The following NEXMIF variants were observed in gnomAD, a reference collection of about 807,000 sequenced individuals.
NEXMIF encodes the protein neurite extension and migration factor.
In NEXMIF, 8 loss-of-function variants were observed where a neutral mutation model predicts 62.1. The observed-to-expected ratio is 0.13, with a 90% CI of 0.08 to 0.23. The LOEUF (loss-of-function observed/expected upper bound fraction) is 0.23, where lower values mean the gene tolerates loss of function less well. Ranked by LOEUF, NEXMIF falls within the 10% of genes least tolerant of loss-of-function variation. The probability of loss-of-function intolerance (pLI) is 1.00; values close to 1 mark genes in which losing one functional copy is unlikely to be tolerated. For missense variants in NEXMIF, 976 were observed against 1,113.3 expected (o/e 0.88, Z 1.75); for synonymous variants, 404 against 416.6 (o/e 0.97, Z 0.37).
At chrX:74,794,975 C>T (rs1324312720) in intron 1 of NEXMIF, among the ~76,000 whole-genome samples, 1 of 111,796 alleles carries the variant, frequency 8.9e-6, no homozygotes, top group Non-Finnish European at 1.9e-5. Flanking sequence ...TGGAGCTGTT[C>T]CTATTCGGCC....
At chrX:74,889,302 G>T (rs2080708897) in intron 1 of NEXMIF, among the ~76,000 whole-genome samples, 1 of 111,178 alleles carries the variant, frequency 9.0e-6, no homozygotes, top group African/African-American at 3.3e-5. Flanking sequence ...ACCGATATTA[G>T]GTACTAAAGG....
intron 1 of NEXMIF, among the ~76,000 whole-genome samples, chrX:74,899,083 C>G (rs2080741154): frequency 9.0e-6 from 1 of 111,140 alleles, no homozygotes; most frequent in South Asian, 3.8e-4. Flanking sequence ...CAATCCCTAT[C>G]AAAAACCCAA....
In NEXMIF at chrX:74,761,882, G is replaced by A. The variant is rs184803424; in HGVS notation, c.-47-16185C>T. 1.2e-4 allele frequency among the ~76,000 whole-genome samples: 13 copies of A among 110,922 alleles called. No homozygotes were observed. The East Asian group carries it at 2.3e-3, about 19-fold the overall frequency. On this transcript the variant is annotated intron_variant, in intron 1 of 3. Coordinates refer to ENST00000055682, the MANE Select transcript of NEXMIF (RefSeq NM_001008537.3). The stretch of plus-strand genomic sequence containing the variant: ...CTGTAAATTTCTCTTTTAACACCGC[G>A]TCCCAGAGACTCTAGTATGTTGTAT...
intron 1 of NEXMIF, among the ~76,000 whole-genome samples, chrX:74,817,073 G>A (rs1296688713): frequency 8.9e-6 from 1 of 111,803 alleles, no homozygotes; most frequent in Non-Finnish European, 1.9e-5. Context: ...AAGTTCACTG[G>A]TGTGAAATAA....
At chrX:74,883,711 GA>G (rs1235458590) in intron 1 of NEXMIF, among the ~76,000 whole-genome samples, 1 of 112,034 alleles carries the variant, frequency 8.9e-6, no homozygotes, top group Non-Finnish European at 1.9e-5. Context: ...AACCAAGCTG[GA>G]AAACACTCTG....
chrX:74,780,087 G>A (rs1484619156), intron 1 of NEXMIF, among the ~76,000 whole-genome samples: 3 of 112,283 alleles, frequency 2.7e-5, no homozygotes, highest in African/African-American at 6.5e-5. Flanking sequence ...CTGGGCATTC[G>A]TTTGGGAACT....
intron 1 of NEXMIF, among the ~76,000 whole-genome samples, chrX:74,822,164 C>A (rs1044496120): frequency 2.7e-5 from 3 of 111,423 alleles, no homozygotes; most frequent in Non-Finnish European, 3.8e-5. Context: ...TGCACCCCTT[C>A]CTCACACCAT....
At chrX:74,806,390 T>G (rs2080344983) in intron 1 of NEXMIF, among the ~76,000 whole-genome samples, 1 of 111,065 alleles carries the variant, frequency 9.0e-6, no homozygotes. Flanking sequence ...TGTAACAAAC[T>G]TGCACATGTA....
rs1001327098 is a variant in NEXMIF, at chrX:74,744,535, T to C, written c.80-58A>G. On this transcript the variant is annotated intron_variant, in intron 2 of 3. Transcript: ENST00000055682. ...AATTAAGAGTCTTAGACCAGACTCA[T>C]TAACTCTCTTTCCCTTGATCAGTTT... The C allele has an allele frequency of 6.8e-5, 58 of 855,245 alleles. No individual in the cohort carries two copies. The Middle Eastern group carries it at 1.2e-3, about 17-fold the overall frequency. 70.5% of individuals were successfully genotyped at this position (855,245 alleles called of 1,213,427 possible).
At chrX:74,856,945 CACTT>C (rs1278366308) in intron 1 of NEXMIF, among the ~76,000 whole-genome samples, 1 of 112,200 alleles carries the variant, frequency 8.9e-6, no homozygotes, top group Non-Finnish European at 1.9e-5. Context: ...ATGCAGCTGA[CACTT>C]ACCCATGGAG....
chrX:74,896,948 A>G (rs1478441649), intron 1 of NEXMIF, among the ~76,000 whole-genome samples: 1 of 112,089 alleles, frequency 8.9e-6, no homozygotes, highest in African/African-American at 3.2e-5. Context: ...CCCAAAGCTA[A>G]CCATATGCTT....
Position 74,739,047 on chromosome X carries a change from C to A in NEXMIF, c.*358G>T, listed in dbSNP as rs1259390623. 1 of 124,874 alleles carries A rather than the reference C, an allele frequency of 8.0e-6. No homozygotes were observed. The highest frequency in any genetic ancestry group is 1.6e-5 in the Non-Finnish European group (1 of 62,392). The allele number at this position is 124,874 out of a possible 1,213,427, so 10.3% of individuals were successfully genotyped here. ...ACACAACATATTTTTCCACCATGAT[C>A]TACAGGTGCTATCCACATAAGTGGG... On this transcript the variant is annotated 3_prime_UTR_variant, in exon 4 of 4. Coordinates refer to ENST00000055682, the MANE Select transcript of NEXMIF (RefSeq NM_001008537.3).
At chrX:74,902,367 T>C (rs1299576432) in intron 1 of NEXMIF, among the ~76,000 whole-genome samples, 2 of 109,496 alleles carry the variant, frequency 1.8e-5, no homozygotes, top group Admixed American at 1.0e-4. Flanking sequence ...TATATACATA[T>C]ATATGTATAT....
At chrX:74,852,158 A>G (rs1437290030) in intron 1 of NEXMIF, among the ~76,000 whole-genome samples, 1 of 111,923 alleles carries the variant, frequency 8.9e-6, no homozygotes, top group Non-Finnish European at 1.9e-5. Flanking sequence ...AAAATGAGCA[A>G]GGGTAGCTAT....
intron 1 of NEXMIF, among the ~76,000 whole-genome samples, chrX:74,875,113 T>G (rs1569359918): frequency 8.9e-6 from 1 of 111,775 alleles, no homozygotes; most frequent in Admixed American, 9.5e-5. Flanking sequence ...CCCTTCAGTA[T>G]GATATTGGCT....
At chrX:74,870,517 C>G (rs977918854) in intron 1 of NEXMIF, among the ~76,000 whole-genome samples, 8 of 111,567 alleles carry the variant, frequency 7.2e-5, no homozygotes, top group African/African-American at 2.6e-4. Context: ...AAACAATCAA[C>G]AAAGTGAAAG....
In NEXMIF at chrX:74,882,519, G is replaced by A. The variant is rs1032325639; in HGVS notation, c.-48+42364C>T. ...ATTATATCCCACAACTGGCTCGGAG[G>A]GTCCTACGCCCACGGAGCCTCACTC... On this transcript the variant is annotated intron_variant, in intron 1 of 3. Transcript: ENST00000055682. Among the ~76,000 whole-genome samples, 16 of 112,061 alleles carry A rather than the reference G, an allele frequency of 1.4e-4. No individual in the cohort carries two copies. In the South Asian group the frequency reaches 4.6e-3, roughly 32 times the overall value.
At chrX:74,762,491 G>A (rs1364984788) in intron 1 of NEXMIF, among the ~76,000 whole-genome samples, 1 of 111,342 alleles carries the variant, frequency 9.0e-6, no homozygotes, top group Non-Finnish European at 1.9e-5. Context: ...TTATGGGATC[G>A]CTGGGTCAAA....
At chrX:74,806,222 A>G (rs2080344583) in intron 1 of NEXMIF, among the ~76,000 whole-genome samples, 2 of 110,962 alleles carry the variant, frequency 1.8e-5, no homozygotes, top group Non-Finnish European at 3.8e-5. Context: ...TGTTTTATCT[A>G]AAAAGTTATT....
Sources: gnomAD v4.1 joint callset for allele counts (sites outside exome capture counted in the v4.1 genomes callset) on GRCh38, gnomAD v4.1.1 for gene constraint, MANE v1.5 for transcripts, NCBI Gene and HGNC (gene_info 2026-07-23, HGNC 2026-07-21) for gene names.